The following UTRN variants were observed in gnomAD, a reference collection of about 807,000 sequenced individuals.
The protein encoded by UTRN is dystrophin-related protein 1.
In UTRN, 283 loss-of-function variants were observed where a neutral mutation model predicts 463.9. That is an observed-to-expected ratio of 0.61 (90% CI 0.55 to 0.67). The LOEUF (loss-of-function observed/expected upper bound fraction) is 0.67, where lower values mean the gene tolerates loss of function less well. UTRN is among the 30% of genes least tolerant of loss of function. The probability of loss-of-function intolerance (pLI) is 0.00; values close to 1 mark genes in which losing one functional copy is unlikely to be tolerated. For missense variants in UTRN, 3,922 were observed against 4,084.3 expected (o/e 0.96, Z 1.08); for synonymous variants, 1,442 against 1,431.5 (o/e 1.01, Z -0.17).
intron 51 of UTRN, among the ~76,000 whole-genome samples, chr6:144,649,485 A>G (rs1467658992): frequency 6.6e-6 from 1 of 152,258 alleles, no homozygotes. Flanking sequence ...CCATCCTATT[A>G]TTGAACAACA....
At position 144,818,894 on chromosome 6, in the gene UTRN, T is replaced by TG. The variant is rs201919416; in HGVS notation, c.9358-1988_9358-1987insG. On this transcript the variant is annotated intron_variant, in intron 65 of 74. Transcript: ENST00000367545. ...TTTGCTCCCAACTACAATCTGTTGTTTTTTTTTTTTTCCTTTTCTGCCTGG... is the reference window on the plus strand; with the variant it reads ...TTTGCTCCCAACTACAATCTGTTGTTGTTTTTTTTTTTCCTTTTCTGCCTGG... Among the ~76,000 whole-genome samples, 404 of 151,136 alleles carry TG rather than the reference T, an allele frequency of 2.7e-3. 3 individuals are homozygous for TG. Among genetic ancestry groups the TG allele is most frequent in the African/African-American group, 9.3e-3 (382 of 41,280 alleles).
At chr6:144,641,994 CT>C (rs1389744946) in intron 51 of UTRN, among the ~76,000 whole-genome samples, 2 of 152,086 alleles carry the variant, frequency 1.3e-5, no homozygotes, top group Non-Finnish European at 2.9e-5. Context: ...TTGTCTTTGA[CT>C]AGAACTTATT....
chr6:144,732,225 T>TATATATATATATATAC (rs1788631695), intron 54 of UTRN, among the ~76,000 whole-genome samples: 4 of 45,972 alleles, frequency 8.7e-5, no homozygotes, highest in Admixed American at 4.6e-4. Context: ...TATATATATA[T>TATATATATATATATAC]ATATATATAT....
In UTRN at chr6:144,313,799, A is replaced by G. The variant is rs370878211; in HGVS notation, c.79+21892A>G. Among the ~76,000 whole-genome samples the G allele has an allele frequency of 2.1e-4, 32 of 152,334 alleles. 1 individual carries two copies. The South Asian group carries it at 4.3e-3, about 21-fold the overall frequency. On this transcript the variant is annotated intron_variant, in intron 2 of 74. Transcript: ENST00000367545. ...GGGAGAGATGGGGATGGAAGAGGGT[A>G]GAGTGAGGCCCTCTAAAAGTCAGGA...
chr6:144,614,224 T>C (rs77301480), intron 51 of UTRN, among the ~76,000 whole-genome samples: 1 of 152,156 alleles, frequency 6.6e-6, no homozygotes, highest in East Asian at 1.9e-4. Context: ...TTGAATGAGA[T>C]TCATGGTGGT....
rs76533216 is a variant in UTRN, at chr6:144,551,518, A to G, written c.6928+436A>G. Among the ~76,000 whole-genome samples the G allele has an allele frequency of 2.5e-3, 385 of 152,322 alleles. 13 individuals are homozygous for G. In the East Asian group the frequency reaches 0.06, roughly 24 times the overall value. ...CACAAATATTTATTGAGCAACTACT[A>G]TGTGCTTATGTGACTGGCATTAATT... On this transcript the variant is annotated intron_variant, in intron 48 of 74. Transcript: ENST00000367545.
At chr6:144,622,111 A>G (rs1367507134) in intron 51 of UTRN, among the ~76,000 whole-genome samples, 2 of 151,170 alleles carry the variant, frequency 1.3e-5, no homozygotes, top group Non-Finnish European at 2.9e-5. Flanking sequence ...CATATGTGTA[A>G]TATTACTCTT....
At chr6:144,540,172 A>C (rs751321687) in intron 45 of UTRN, among the ~76,000 whole-genome samples, 43 of 152,244 alleles carry the variant, frequency 2.8e-4, no homozygotes, top group Non-Finnish European at 5.6e-4. Flanking sequence ...GTGAAATGTA[A>C]TGGCATGTGA....
chr6:144,667,107 T>A (rs1453267790), intron 51 of UTRN, among the ~76,000 whole-genome samples: 1 of 152,064 alleles, frequency 6.6e-6, no homozygotes. Context: ...CAGGCTGGAG[T>A]GCAGTGGCAC....
intron 34 of UTRN, among the ~76,000 whole-genome samples, chr6:144,502,878 G>A (rs2045470944): frequency 6.6e-6 from 1 of 152,192 alleles, no homozygotes; most frequent in South Asian, 2.1e-4. Flanking sequence ...CAGTGTAAAA[G>A]CATTCCTATT....
chr6:144,653,333 C>G (rs1021517103), intron 51 of UTRN, among the ~76,000 whole-genome samples: 4 of 152,120 alleles, frequency 2.6e-5, no homozygotes, highest in Admixed American at 2.0e-4. Flanking sequence ...CGCCTGTAAT[C>G]CTAGCACTTT....
chr6:144,695,648 T>G (rs1783927204), intron 52 of UTRN, among the ~76,000 whole-genome samples: 1 of 152,220 alleles, frequency 6.6e-6, no homozygotes, highest in African/African-American at 2.4e-5. Context: ...CAGCCTAAAC[T>G]TTTTATATGC....
intron 51 of UTRN, among the ~76,000 whole-genome samples, chr6:144,589,406 G>A (rs1357559286): frequency 6.6e-6 from 1 of 152,100 alleles, no homozygotes; most frequent in Non-Finnish European, 1.5e-5. Context: ...AGATAGATAG[G>A]AAAGAAATTT....
intron 51 of UTRN, among the ~76,000 whole-genome samples, chr6:144,637,261 C>T (rs1279119391): frequency 1.3e-5 from 2 of 152,198 alleles, no homozygotes; most frequent in Non-Finnish European, 1.5e-5. Context: ...TGAGCCACTG[C>T]GCCCAGCCAA....
At chr6:144,444,181 T>G (rs1787437387) in intron 13 of UTRN, 100 bp from the exon 14 acceptor site, 1 of 943,146 alleles carries the variant, frequency 1.1e-6, no homozygotes, top group East Asian at 3.1e-5. Flanking sequence ...TAAGTTGTTA[T>G]TCTATAATAA....
At chr6:144,520,443 G>A (rs968897820) in intron 39 of UTRN, among the ~76,000 whole-genome samples, 38 of 152,006 alleles carry the variant, frequency 2.5e-4, no homozygotes, top group African/African-American at 9.2e-4. Context: ...TAGACATATG[G>A]GTAAATATCT....
intron 66 of UTRN, among the ~76,000 whole-genome samples, chr6:144,822,614 A>C (rs1009160899): frequency 6.6e-6 from 1 of 152,160 alleles, no homozygotes; most frequent in Admixed American, 6.5e-5. Context: ...AGCTGTTCGA[A>C]TACATTCAGG....
At chr6:144,371,828 G>C (rs1316960299) in intron 2 of UTRN, among the ~76,000 whole-genome samples, 1 of 152,148 alleles carries the variant, frequency 6.6e-6, no homozygotes, top group Non-Finnish European at 1.5e-5. Flanking sequence ...TCAGAGAGTG[G>C]GTGCGTAGGG....
chr6:144,301,060 G>A (rs982850872), intron 2 of UTRN, among the ~76,000 whole-genome samples: 2 of 151,922 alleles, frequency 1.3e-5, no homozygotes, highest in Admixed American at 6.6e-5. Context: ...CAGCTTTTTC[G>A]GTGGGGGGCT....
Sources: allele counts gnomAD v4.1 joint callset (sites outside exome capture counted in the v4.1 genomes callset), GRCh38; gene constraint gnomAD v4.1.1; transcripts MANE v1.5; gene names NCBI Gene and HGNC (gene_info 2026-07-23, HGNC 2026-07-21).